LEKR1: variants seen among roughly 807,000 people sequenced by gnomAD.
The protein encoded by LEKR1 is protein LEKR1.
LEKR1 carries 59 observed loss-of-function variants against 72.4 expected under a neutral mutation model. The ratio of observed to expected loss-of-function variants is 0.82; its 90% CI spans 0.66 to 1.01. The LOEUF (loss-of-function observed/expected upper bound fraction) is 1.01, where lower values mean the gene tolerates loss of function less well. LEKR1 is among the 50% of genes least tolerant of loss of function. LEKR1 has a pLI of 0.00. For missense variants in LEKR1, 728 were observed against 759.2 expected (o/e 0.96, Z 0.48); for synonymous variants, 257 against 263.2 (o/e 0.98, Z 0.23).
chr3:157,029,053 A>G (rs1344930174), intron 12 of LEKR1, among the ~76,000 whole-genome samples: 1 of 152,194 alleles, frequency 6.6e-6, no homozygotes, highest in Non-Finnish European at 1.5e-5. Flanking sequence ...ACAATATTTG[A>G]TCCCTTTGAT....
chr3:156,934,702 G>GC (rs1725538100), intron 5 of LEKR1, among the ~76,000 whole-genome samples: 1 of 151,378 alleles, frequency 6.6e-6, no homozygotes, highest in South Asian at 2.1e-4. Context: ...CAGAAAAGGG[G>GC]CAAAAAAAAG....
chr3:156,913,458 T>G (rs1000644524), intron 3 of LEKR1, among the ~76,000 whole-genome samples: 1 of 152,180 alleles, frequency 6.6e-6, no homozygotes, highest in Non-Finnish European at 1.5e-5. Flanking sequence ...GAAATGCTAC[T>G]GATTTTTAAT....
chr3:156,892,673 T>TAA (rs1290556239), intron 3 of LEKR1, among the ~76,000 whole-genome samples: 14 of 152,246 alleles, frequency 9.2e-5, no homozygotes, highest in African/African-American at 3.4e-4. Flanking sequence ...ACTCATTCTT[T>TAA]ACCATTCAAC....
rs1172254638 is a variant in LEKR1 at position 157,045,398 on chromosome 3, AG to A, written c.1729del (p.Ala577LeufsTer2). On this transcript the variant is annotated frameshift_variant, in exon 13 of 13. Transcript: ENST00000356539. LOFTEE classifies it low-confidence loss of function (END_TRUNC). ...RECEERFELT[E>X]ALSQAREQLL... ...TGTGAAGAACGCTTTGAACTGACAGAGGCTTTGAGTCAAGCCAGAGAACAGC... is the reference window on the plus strand; with the variant it reads ...TGTGAAGAACGCTTTGAACTGACAGAGCTTTGAGTCAAGCCAGAGAACAGC... 6.2e-7 allele frequency: 1 copy of A among 1,614,046 alleles called. No individual in the cohort carries two copies.
chr3:156,846,562 CTGTT>C (rs891424852), intron 2 of LEKR1, among the ~76,000 whole-genome samples: 16 of 151,726 alleles, frequency 1.1e-4, no homozygotes, highest in African/African-American at 3.2e-4. Flanking sequence ...GTCAGGTGGT[CTGTT>C]TGACTAATGA....
chr3:156,896,560 C>T (rs995395326), intron 3 of LEKR1, among the ~76,000 whole-genome samples: 2 of 152,052 alleles, frequency 1.3e-5, no homozygotes, highest in African/African-American at 4.8e-5. Context: ...ATAACAGAGG[C>T]TGATGAGGTT....
Position 156,942,498 on chromosome 3 carries a change from G to A in LEKR1, c.560-31G>A, listed in dbSNP as rs574221566. 8.1e-5 allele frequency: 61 copies of A among 748,866 alleles called. No individual in the cohort carries two copies. In the African/African-American group the frequency reaches 1.1e-3, roughly 13 times the overall value. 46.4% of individuals were successfully genotyped at this position (748,866 alleles called of 1,614,324 possible). On this transcript the variant is annotated intron_variant, in intron 5 of 12. Transcript: ENST00000356539. ...GAAATGTTTTATGATTCAATTATTGGCTATTTGTAAACTTTGAATTCTTCT... is the reference window on the plus strand; with the variant it reads ...GAAATGTTTTATGATTCAATTATTGACTATTTGTAAACTTTGAATTCTTCT...
intron 9 of LEKR1, among the ~76,000 whole-genome samples, chr3:157,007,508 C>A (rs1410254636): frequency 6.6e-6 from 1 of 152,260 alleles, no homozygotes; most frequent in African/African-American, 2.4e-5. Context: ...ATGGAATCCA[C>A]TGGTGCCAGT....
chr3:156,855,016 T>C (rs1349164550), intron 3 of LEKR1, among the ~76,000 whole-genome samples: 1 of 152,192 alleles, frequency 6.6e-6, no homozygotes, highest in Non-Finnish European at 1.5e-5. Flanking sequence ...TGTTCTTAAC[T>C]ACACCAACAT....
At chr3:157,011,286 G>A (rs1444218198) in intron 9 of LEKR1, 127 bp from the exon 10 acceptor site, 7 of 643,956 alleles carry the variant, frequency 1.1e-5, no homozygotes, top group Non-Finnish European at 2.0e-5. Context: ...TGTAGTAGCA[G>A]CATATATACT....
chr3:156,937,013 A>G (rs1279961640), intron 5 of LEKR1, among the ~76,000 whole-genome samples: 1 of 152,136 alleles, frequency 6.6e-6, no homozygotes, highest in East Asian at 1.9e-4. Flanking sequence ...GTAGTAGCAC[A>G]TGCCTGTAGT....
At chr3:156,860,544 A>T (rs1358190353) in intron 3 of LEKR1, among the ~76,000 whole-genome samples, 1 of 152,202 alleles carries the variant, frequency 6.6e-6, no homozygotes, top group Admixed American at 6.5e-5. Flanking sequence ...GACTGAGTCT[A>T]CAGTTTGAGA....
At chr3:156,910,936 T>C (rs2108568321) in intron 3 of LEKR1, among the ~76,000 whole-genome samples, 1 of 152,342 alleles carries the variant, frequency 6.6e-6, no homozygotes, top group Admixed American at 6.5e-5. Context: ...GTGGCTGAAC[T>C]AATTTACATT....
At chr3:156,966,865 G>A (rs1414593778) in intron 6 of LEKR1, among the ~76,000 whole-genome samples, 1 of 152,172 alleles carries the variant, frequency 6.6e-6, no homozygotes, top group Non-Finnish European at 1.5e-5. Flanking sequence ...TAGCCTAACT[G>A]GGAGGCACCC....
intron 9 of LEKR1, among the ~76,000 whole-genome samples, chr3:157,010,367 C>G (rs1421390513): frequency 6.6e-6 from 1 of 151,966 alleles, no homozygotes; most frequent in Non-Finnish European, 1.5e-5. Flanking sequence ...AGAGATGATT[C>G]AAACCTTCAG....
chr3:156,877,682 A>G (rs181998260), intron 3 of LEKR1, among the ~76,000 whole-genome samples: 143 of 152,160 alleles, frequency 9.4e-4, no homozygotes, highest in Admixed American at 1.2e-3. Flanking sequence ...TTCATTTCCA[A>G]TTGGGCTTAT....
At chr3:156,870,754 A>G (rs1275271181) in intron 3 of LEKR1, among the ~76,000 whole-genome samples, 7 of 151,934 alleles carry the variant, frequency 4.6e-5, no homozygotes, top group African/African-American at 1.7e-4. Context: ...GTCTTATTCC[A>G]CTTCTTAGGG....
chr3:156,942,554 G>T lies in LEKR1; in HGVS notation c.585G>T (p.Leu195Phe), dbSNP rs1024818274. ...LTEIDILNKS[L>F]TVSQRNKVCL... ...AAATAGACATACTGAATAAAAGTTT[G>T]ACAGTATCCCAGAGAAATAAAGTAT... The change falls in exon 6 of 13, where the codon TTG becomes TTT. Residue 195 changes from leucine (L) to phenylalanine (F), a missense_variant. Physicochemically the swap from Leu to Phe is conservative, Grantham distance 22 (BLOSUM62 0). Coordinates refer to ENST00000356539, the MANE Select transcript of LEKR1 (RefSeq NM_001004316.3). 8.0e-7 allele frequency: 1 copy of T among 1,246,216 alleles called. No individual in the cohort carries two copies. Among genetic ancestry groups the T allele is most frequent in the Admixed American group, 2.6e-5 (1 of 38,866 alleles). The allele number at this position is 1,246,216 out of a possible 1,614,324, so 77.2% of individuals were successfully genotyped here.
chr3:157,038,791 T>C (rs1735143375), intron 12 of LEKR1, among the ~76,000 whole-genome samples: 1 of 152,222 alleles, frequency 6.6e-6, no homozygotes, highest in Non-Finnish European at 1.5e-5. Context: ...GTACAGTATG[T>C]CCTCATAGAT....
Sources: gnomAD v4.1 joint callset for allele counts (sites outside exome capture counted in the v4.1 genomes callset) on GRCh38, gnomAD v4.1.1 for gene constraint, MANE v1.5 for transcripts, NCBI Gene and HGNC (gene_info 2026-07-23, HGNC 2026-07-21) for gene names.